POLA2: variants seen among roughly 807,000 people sequenced by gnomAD.
The protein encoded by POLA2 is DNA polymerase alpha 2, accessory subunit.
In POLA2, 47 loss-of-function variants were observed where a neutral mutation model predicts 82.8. The ratio of observed to expected loss-of-function variants is 0.57; its 90% CI spans 0.45 to 0.72. POLA2 has a LOEUF of 0.72. POLA2 is among the 30% of genes least tolerant of loss of function. The probability of loss-of-function intolerance (pLI) is 0.00; values close to 1 mark genes in which losing one functional copy is unlikely to be tolerated. For missense variants in POLA2, 634 were observed against 728.1 expected, an observed-to-expected ratio of 0.87 and a Z score of 1.49; for synonymous variants, 287 against 286.8, an observed-to-expected ratio of 1.00 and a Z score of -0.01.
intron 10 of POLA2, among the ~76,000 whole-genome samples, chr11:65,286,782 T>C (rs1949702017): frequency 6.6e-6 from 1 of 152,122 alleles, no homozygotes; most frequent in Admixed American, 6.6e-5. Context: ...AAGCCAGGGA[T>C]CTTTGGATTT....
rs1949836126 is a variant in POLA2, at chr11:65,298,351, ACAGGGTCAGGCCTTC to A, written c.*1089_*1103del. ...CTTGCCTGCAGCCCAGAACACTCAGACAGGGTCAGGCCTTCCAGGGTTCACAGCACGTCCCATGCC... is the reference window on the plus strand; with the variant it reads ...CTTGCCTGCAGCCCAGAACACTCAGACAGGGTTCACAGCACGTCCCATGCC... On this transcript the variant is annotated 3_prime_UTR_variant, in exon 18 of 18. Transcript: ENST00000265465. 1 of 152,312 alleles carries A rather than the reference ACAGGGTCAGGCCTTC, an allele frequency of 6.6e-6. No homozygotes were observed. Among genetic ancestry groups the A allele is most frequent in the Non-Finnish European group, 1.5e-5 (1 of 68,108 alleles). 9.4% of individuals were successfully genotyped at this position (152,312 alleles called of 1,614,324 possible). A position where few individuals can be genotyped will look rare whatever the true frequency, so the allele number is the denominator to read the frequency against.
At chr11:65,289,659 A>G (rs766989445) in intron 12 of POLA2, 140 bp from the exon 13 acceptor site, 129 of 604,868 alleles carry the variant, frequency 2.1e-4, no homozygotes, top group Non-Finnish European at 3.4e-4. Context: ...CTTAAGACAA[A>G]GACCATGTCT....
intron 10 of POLA2, among the ~76,000 whole-genome samples, chr11:65,283,769 C>T (rs1271029063): frequency 6.6e-6 from 1 of 151,812 alleles, no homozygotes; most frequent in Non-Finnish European, 1.5e-5. Context: ...CCACCATGCC[C>T]GGCCAAAAAG....
intron 4 of POLA2, among the ~76,000 whole-genome samples, chr11:65,273,702 C>T (rs1201144974): frequency 6.6e-6 from 1 of 152,004 alleles, no homozygotes; most frequent in Middle Eastern, 3.4e-3. Flanking sequence ...CTATGTTGCT[C>T]AGGCTGGTCT....
chr11:65,296,959 A>AG (rs1949817106), intron 17 of POLA2, among the ~76,000 whole-genome samples, 161 bp from the exon 18 acceptor site: 1 of 151,982 alleles, frequency 6.6e-6, no homozygotes, highest in African/African-American at 2.4e-5. Context: ...AAAAAAAAAA[A>AG]AAAAAAAAGT....
intron 3 of POLA2, 32 bp from the exon 4 acceptor site, chr11:65,268,640 C>T (rs759498807): frequency 3.4e-6 from 5 of 1,462,026 alleles, no homozygotes; most frequent in Non-Finnish European, 4.8e-6. Context: ...CCGTGCCCAG[C>T]CATTATTGTT....
rs150043535 is a variant in POLA2 at position 65,287,754 on chromosome 11, T to C, written c.1045T>C (p.Tyr349His). Reference sequence around the variant, plus strand: ...CATGGTCCTGGTTGCCTGTGGACCATACACCACATCTGACAGCATCACGTA... The same window carrying C: ...CATGGTCCTGGTTGCCTGTGGACCACACACCACATCTGACAGCATCACGTA... ...QSMVLVACGPYTTSDSITYDP... is the reference protein window; with the variant it reads ...QSMVLVACGPHTTSDSITYDP... Residue 349 changes from tyrosine to histidine, a missense_variant, in exon 11 of 18, where the codon TAC becomes CAC. Tyr to His is a moderately conservative substitution (Grantham distance 83, BLOSUM62 2). Coordinates refer to ENST00000265465, the MANE Select transcript of POLA2 (RefSeq NM_002689.4). The C allele has an allele frequency of 5.0e-6, 8 of 1,613,902 alleles. No homozygotes were observed. Among genetic ancestry groups the C allele is most frequent in the Non-Finnish European group, 6.8e-6 (8 of 1,179,866 alleles).
intron 1 of POLA2, among the ~76,000 whole-genome samples, chr11:65,265,220 T>TCTTCC (rs1949445853): frequency 6.8e-6 from 1 of 146,390 alleles, no homozygotes; most frequent in Non-Finnish European, 1.5e-5. Context: ...AGAGTGCAAC[T>TCTTCC]CTGTCTCCAA....
chr11:65,294,085 T>TG (rs1949783487), intron 13 of POLA2, 68 bp from the exon 14 acceptor site: 2 of 1,348,354 alleles, frequency 1.5e-6, no homozygotes, highest in East Asian at 4.6e-5. Context: ...TCCCACCTGT[T>TG]GCGCAGCTGT....
chr11:65,299,997 T>C (rs1949850993), downstream of POLA2, among the ~76,000 whole-genome samples: 1 of 152,086 alleles, frequency 6.6e-6, no homozygotes, highest in Non-Finnish European at 1.5e-5. Flanking sequence ...CATTTTAAAG[T>C]GTATGATTCA....
At chr11:65,277,587 C>A (rs1278664015) in intron 5 of POLA2, among the ~76,000 whole-genome samples, 1 of 152,164 alleles carries the variant, frequency 6.6e-6, no homozygotes. Flanking sequence ...ATCTTTGCAA[C>A]CTGGTATGTA....
intron 5 of POLA2, among the ~76,000 whole-genome samples, chr11:65,276,589 A>G (rs1442359187): frequency 1.3e-5 from 2 of 152,156 alleles, no homozygotes; most frequent in African/African-American, 2.4e-5. Flanking sequence ...TTTGAAATCC[A>G]TAAATGACAC....
chr11:65,283,568 C>T (rs1244591387), intron 10 of POLA2, among the ~76,000 whole-genome samples: 1 of 151,976 alleles, frequency 6.6e-6, no homozygotes, highest in East Asian at 1.9e-4. Context: ...CTCCCGGGTT[C>T]AGGTGATTCT....
rs1397567078 is a variant in POLA2, at chr11:65,275,979, C to T, written c.442C>T (p.Pro148Ser). The T allele has an allele frequency of 2.5e-6, 4 of 1,601,100 alleles. No individual in the cohort carries two copies. Among genetic ancestry groups the T allele is most frequent in the Non-Finnish European group, 3.4e-6 (4 of 1,172,980 alleles). The change falls in exon 5 of 18, where the codon CCG becomes TCG. Residue 148 changes from proline (P) to serine (S), a missense_variant. By Grantham distance (74) the Pro-to-Ser change is moderately conservative. Transcript: ENST00000265465. ...TCGTAGCCCCCATCAGCTACTCTCACCGTCAAGTTTCTCTCCAAGGTATGG... is the reference window on the plus strand; with the variant it reads ...TCGTAGCCCCCATCAGCTACTCTCATCGTCAAGTTTCTCTCCAAGGTATGG... ...STRSPHQLLSPSSFSPSATPS... is the reference protein window; with the variant it reads ...STRSPHQLLSSSSFSPSATPS...
intron 12 of POLA2, among the ~76,000 whole-genome samples, chr11:65,289,541 C>T (rs1949732373): frequency 6.6e-6 from 1 of 152,254 alleles, no homozygotes; most frequent in Non-Finnish European, 1.5e-5. Context: ...GATACTTTAC[C>T]TTCCATGGAA....
chr11:65,295,606 T>G lies in POLA2; in HGVS notation c.1520+7T>G, dbSNP rs962282835. On this transcript the variant is annotated splice_region_variant and intron_variant, in intron 16 of 17. Transcript: ENST00000265465. ...ACATCTTGACCCAGAGGAGGTGAGC[T>G]TGCCGCTGGGACCCCTGACTGTGGA... 64 of 1,611,670 alleles carry G rather than the reference T, an allele frequency of 4.0e-5. No homozygotes were observed. The highest frequency in any genetic ancestry group is 5.3e-5 in the Non-Finnish European group (62 of 1,178,332).
chr11:65,278,039 C>T (rs956272352), intron 5 of POLA2, among the ~76,000 whole-genome samples: 4 of 152,126 alleles, frequency 2.6e-5, no homozygotes, highest in African/African-American at 4.8e-5. Flanking sequence ...CCTCTCTGTA[C>T]GGCGTGTTTA....
chr11:65,296,070 C>A (rs776670902), intron 17 of POLA2, 80 bp downstream of exon 17: 28 of 1,524,846 alleles, frequency 1.8e-5, no homozygotes, highest in Non-Finnish European at 2.5e-5. Context: ...CGGCACTCAC[C>A]CCTCATGGGT....
chr11:65,273,874 T>G (rs1487659295), intron 4 of POLA2, among the ~76,000 whole-genome samples: 4 of 152,142 alleles, frequency 2.6e-5, no homozygotes, highest in African/African-American at 9.7e-5. Flanking sequence ...AAGAAATAAT[T>G]CAAATTATGG....
Sources: gnomAD v4.1 joint callset for allele counts (sites outside exome capture counted in the v4.1 genomes callset) on GRCh38, gnomAD v4.1.1 for gene constraint, MANE v1.5 for transcripts, NCBI Gene and HGNC (gene_info 2026-07-23, HGNC 2026-07-21) for gene names.